Variants in NYAP2 observed in about 807,000 individuals in gnomAD.
NYAP2 encodes neuronal tyrosine-phosphorylated phosphoinositide-3-kinase adapter 2.
NYAP2 carries 23 observed loss-of-function variants against 50.4 expected under a neutral mutation model. The observed-to-expected ratio is 0.46, with a 90% confidence interval of 0.33 to 0.65. The LOEUF (loss-of-function observed/expected upper bound fraction) is 0.65, where lower values mean the gene tolerates loss of function less well. Ranked by LOEUF, NYAP2 falls within the 30% of genes least tolerant of loss-of-function variation. The pLI is 0.02. For synonymous variants in NYAP2, 394 were observed against 365.2 expected (o/e 1.08, Z -0.90); for missense variants, 885 against 861.0 (o/e 1.03, Z -0.35).
At chr2:225,629,168 G>A (rs918263945) in intron 6 of NYAP2, among the ~76,000 whole-genome samples, 1 of 152,188 alleles carries the variant, frequency 6.6e-6, no homozygotes, top group Non-Finnish European at 1.5e-5. Flanking sequence ...ATGGTGTTAA[G>A]TCCCAATCTG....
intron 4 of NYAP2, among the ~76,000 whole-genome samples, chr2:225,566,627 T>C (rs1691967644): frequency 6.6e-6 from 1 of 152,246 alleles, no homozygotes; most frequent in Non-Finnish European, 1.5e-5. Context: ...CCTTAAGACT[T>C]AGGAAATCAA....
chr2:225,404,049 G>A (rs1329931184), intron 2 of NYAP2, among the ~76,000 whole-genome samples: 1 of 151,842 alleles, frequency 6.6e-6, no homozygotes, highest in Non-Finnish European at 1.5e-5. Flanking sequence ...GGAATTAATC[G>A]AAAGCCCTCT....
At chr2:225,402,184 C>T (rs1411041023) in intron 2 of NYAP2, among the ~76,000 whole-genome samples, 2 of 151,862 alleles carry the variant, frequency 1.3e-5, no homozygotes, top group African/African-American at 4.8e-5. Flanking sequence ...GGAAACAGAC[C>T]AGAGGAAAAT....
intron 3 of NYAP2, among the ~76,000 whole-genome samples, chr2:225,442,796 G>T (rs181866812): frequency 6.6e-6 from 1 of 152,044 alleles, no homozygotes; most frequent in Admixed American, 6.5e-5. Context: ...GGCTGGTCTC[G>T]AACTCCTGAT....
intron 4 of NYAP2, among the ~76,000 whole-genome samples, chr2:225,574,667 G>A (rs1488266212): frequency 1.3e-5 from 2 of 152,102 alleles, no homozygotes; most frequent in Non-Finnish European, 2.9e-5. Context: ...TTCTATGAAT[G>A]AGATCATACT....
chr2:225,696,495 G>T, the NYAP2 span, among the ~76,000 whole-genome samples: 1 of 151,894 alleles, frequency 6.6e-6, no homozygotes. Context: ...AAGCCAGGAA[G>T]CCCAGTGACC....
intron 5 of NYAP2, among the ~76,000 whole-genome samples, chr2:225,602,578 TAGG>T (rs1409867743): frequency 1.3e-5 from 2 of 152,166 alleles, no homozygotes; most frequent in Non-Finnish European, 2.9e-5. Flanking sequence ...CATTTTTTTC[TAGG>T]AGTTTTATAG....
At chr2:225,567,230 T>C (rs1315465427) in intron 4 of NYAP2, among the ~76,000 whole-genome samples, 1 of 152,160 alleles carries the variant, frequency 6.6e-6, no homozygotes, top group Non-Finnish European at 1.5e-5. Context: ...TATGGTATTA[T>C]AATCTTATGA....
At chr2:225,406,063 G>A (rs1252925578) in intron 2 of NYAP2, among the ~76,000 whole-genome samples, 1 of 151,638 alleles carries the variant, frequency 6.6e-6, no homozygotes, top group Non-Finnish European at 1.5e-5. Flanking sequence ...ATACTTTTAT[G>A]CATTTCTAAC....
intron 3 of NYAP2, among the ~76,000 whole-genome samples, chr2:225,444,002 C>T (rs148908928): frequency 7.7e-4 from 118 of 152,288 alleles, no homozygotes; most frequent in African/African-American, 2.7e-3. Context: ...ATGGCAGCTG[C>T]TACTTAGATT....
intron 4 of NYAP2, among the ~76,000 whole-genome samples, chr2:225,522,589 A>G (rs1691084590): frequency 6.6e-6 from 1 of 152,192 alleles, no homozygotes; most frequent in South Asian, 2.1e-4. Flanking sequence ...AGAGCCTTTA[A>G]TAATGTCATT....
rs1690015036 is a variant in NYAP2, at chr2:225,471,768, C to G, written c.222-41603C>G. On this transcript the variant is annotated intron_variant, in intron 3 of 6. Coordinates refer to ENST00000636099, the Ensembl canonical transcript of NYAP2. ...CAAGTTGAGAGAGTGTAAGCTGCTTCTAAATGTGCACAGCAAATGGCAAAA... is the reference window on the plus strand; with the variant it reads ...CAAGTTGAGAGAGTGTAAGCTGCTTGTAAATGTGCACAGCAAATGGCAAAA... Among the ~76,000 whole-genome samples, 3 of 152,166 alleles carry G rather than the reference C, an allele frequency of 2.0e-5. No individual in the cohort carries two copies. The South Asian group carries it at 6.2e-4, about 32-fold the overall frequency.
chr2:225,626,226 T>A (rs938803345), intron 5 of NYAP2, among the ~76,000 whole-genome samples: 3 of 152,174 alleles, frequency 2.0e-5, no homozygotes, highest in Admixed American at 2.0e-4. Flanking sequence ...AGGCATCTGA[T>A]AAAATATTTA....
intron 4 of NYAP2, among the ~76,000 whole-genome samples, chr2:225,546,122 G>A (rs1473143470): frequency 6.6e-6 from 1 of 152,122 alleles, no homozygotes; most frequent in Non-Finnish European, 1.5e-5. Context: ...GGACTGCACT[G>A]GATCAGACCT....
At chr2:225,501,568 AT>A (rs1203749776) in intron 3 of NYAP2, among the ~76,000 whole-genome samples, 6 of 152,126 alleles carry the variant, frequency 3.9e-5, no homozygotes, top group African/African-American at 1.4e-4. Flanking sequence ...TGTATGTTGA[AT>A]TTTTCAAATT....
At position 225,502,635 on chromosome 2, in the gene NYAP2, C is replaced by T. The variant is rs113309847; in HGVS notation, c.222-10736C>T. On this transcript the variant is annotated intron_variant, in intron 3 of 6. Coordinates refer to ENST00000636099, the Ensembl canonical transcript of NYAP2. ...AATTTCTATAGATCCCCACTGCCAGCTCACAAATCCCCTTCTTCCCCACTT... is the reference window on the plus strand; with the variant it reads ...AATTTCTATAGATCCCCACTGCCAGTTCACAAATCCCCTTCTTCCCCACTT... Among the ~76,000 whole-genome samples, 96 of 152,314 alleles carry T rather than the reference C, an allele frequency of 6.3e-4. 2 individuals are homozygous for T. The highest frequency in any genetic ancestry group is 2.2e-3 in the African/African-American group (91 of 41,556).
At chr2:225,458,311 ACT>A (rs1689771638) in intron 3 of NYAP2, among the ~76,000 whole-genome samples, 1 of 152,152 alleles carries the variant, frequency 6.6e-6, no homozygotes. Flanking sequence ...TGATTGTGCC[ACT>A]GCCCACCAGC....
intron 4 of NYAP2, among the ~76,000 whole-genome samples, chr2:225,531,474 T>C (rs963179619): frequency 1.3e-5 from 2 of 152,262 alleles, no homozygotes; most frequent in African/African-American, 4.8e-5. Flanking sequence ...CTATCTTTTT[T>C]GTATCCCAAT....
intron 3 of NYAP2, among the ~76,000 whole-genome samples, chr2:225,431,307 C>A (rs778682735): frequency 1.3e-5 from 2 of 152,170 alleles, no homozygotes; most frequent in Non-Finnish European, 2.9e-5. Context: ...CATCAACAAA[C>A]GGTAGACCGT....
Sources: allele counts gnomAD v4.1 joint callset (sites outside exome capture counted in the v4.1 genomes callset), GRCh38; gene constraint gnomAD v4.1.1; transcripts MANE v1.5; gene names NCBI Gene and HGNC (gene_info 2026-07-23, HGNC 2026-07-21).